Variants in SPMIP7 observed in about 807,000 individuals in gnomAD.
The protein encoded by SPMIP7 is protein SPMIP7.
the SPMIP7 span, among the ~76,000 whole-genome samples, chr7:50,099,882 C>A: frequency 6.6e-6 from 1 of 152,090 alleles, no homozygotes; most frequent in Non-Finnish European, 1.5e-5. Flanking sequence ...TCCATCTTCC[C>A]CCAGGGGGTT....
the SPMIP7 span, among the ~76,000 whole-genome samples, chr7:50,134,654 T>A: frequency 6.6e-6 from 1 of 152,192 alleles, no homozygotes. Flanking sequence ...AGCTCTGTAC[T>A]TTTCATGGCA....
chr7:50,145,579 T>G, the SPMIP7 span, among the ~76,000 whole-genome samples: 1 of 130,518 alleles, frequency 7.7e-6, no homozygotes, highest in Non-Finnish European at 1.6e-5. Flanking sequence ...TGTATATATA[T>G]ATATGTGCGT....
the SPMIP7 span, chr7:50,159,027 T>A: frequency 1.3e-6 from 2 of 1,550,630 alleles, no homozygotes; most frequent in Non-Finnish European, 1.7e-6. Flanking sequence ...TTCCTCCTTT[T>A]TTTCCCATCC....
chr7:50,114,762 G>A, the SPMIP7 span, among the ~76,000 whole-genome samples: 4 of 152,170 alleles, frequency 2.6e-5, no homozygotes, highest in African/African-American at 4.8e-5. Context: ...GGGTGAGGTG[G>A]CTCACGCCTG....
chr7:50,151,327 A>G, the SPMIP7 span: 3 of 666,170 alleles, frequency 4.5e-6, no homozygotes, highest in South Asian at 2.3e-5. Context: ...CTCATACAGG[A>G]AAAAAAAAAT....
At chr7:50,149,737 T>C in the SPMIP7 span, among the ~76,000 whole-genome samples, 1 of 152,242 alleles carries the variant, frequency 6.6e-6, no homozygotes. Flanking sequence ...AACAGAGTCA[T>C]AAATTACACA....
chr7:50,159,071 G>A, the SPMIP7 span: 5 of 1,551,748 alleles, frequency 3.2e-6, no homozygotes, highest in South Asian at 2.4e-5. Flanking sequence ...AATGGCAGTT[G>A]ACCTCTTCCG....
chr7:50,124,241 G>A, the SPMIP7 span, among the ~76,000 whole-genome samples: 15 of 151,994 alleles, frequency 9.9e-5, 1 homozygote, highest in Non-Finnish European at 5.9e-5. Flanking sequence ...AATACTTGAG[G>A]CAAAAATGAA....
At chr7:50,113,737 T>A in the SPMIP7 span, among the ~76,000 whole-genome samples, 1 of 151,874 alleles carries the variant, frequency 6.6e-6, no homozygotes, top group Non-Finnish European at 1.5e-5. Flanking sequence ...AGAATAAAAG[T>A]GAGCTGAGAA....
the SPMIP7 span, chr7:50,096,532 T>C: frequency 6.4e-7 from 1 of 1,551,820 alleles, no homozygotes; most frequent in Non-Finnish European, 8.7e-7. Flanking sequence ...ACACAGGATT[T>C]CAAACAACAA....
the SPMIP7 span, among the ~76,000 whole-genome samples, chr7:50,116,939 C>T: frequency 2.0e-5 from 3 of 152,146 alleles, no homozygotes; most frequent in African/African-American, 7.2e-5. Context: ...AGCAATTCTC[C>T]TCTTGCCTGA....
the SPMIP7 span, among the ~76,000 whole-genome samples, chr7:50,104,008 C>T: frequency 6.6e-6 from 1 of 152,128 alleles, no homozygotes; most frequent in Non-Finnish European, 1.5e-5. Context: ...AACCAGACCC[C>T]TCTTGTGTCA....
chr7:50,147,923 T>C, the SPMIP7 span, among the ~76,000 whole-genome samples: 1 of 152,238 alleles, frequency 6.6e-6, no homozygotes, highest in Non-Finnish European at 1.5e-5. Flanking sequence ...TGCGTCTCTC[T>C]ACTTTCCTCA....
At chr7:50,133,879 T>C in the SPMIP7 span, among the ~76,000 whole-genome samples, 2 of 152,148 alleles carry the variant, frequency 1.3e-5, no homozygotes, top group Admixed American at 1.3e-4. Flanking sequence ...CTTTACTACA[T>C]GTGCCAATCT....
the SPMIP7 span, among the ~76,000 whole-genome samples, chr7:50,122,447 T>G: frequency 9.3e-5 from 14 of 150,816 alleles, no homozygotes; most frequent in East Asian, 2.1e-3. Flanking sequence ...ACGTTAGACC[T>G]AAAACCATAA....
the SPMIP7 span, among the ~76,000 whole-genome samples, chr7:50,146,922 G>T: frequency 6.6e-6 from 1 of 152,196 alleles, no homozygotes; most frequent in East Asian, 1.9e-4. Flanking sequence ...CACCCTCCAA[G>T]GGAGTGCAGC....
chr7:50,100,761 G>T, the SPMIP7 span, among the ~76,000 whole-genome samples: 1 of 151,164 alleles, frequency 6.6e-6, no homozygotes, highest in African/African-American at 2.4e-5. Flanking sequence ...GCAGTGAGCC[G>T]AGATCGTGCC....
At chr7:50,104,269 T>G in the SPMIP7 span, 1 of 955,244 alleles carries the variant, frequency 1.0e-6, no homozygotes, top group East Asian at 2.8e-5. Context: ...AGAACTTTTA[T>G]TGTGTTTTTA....
At chr7:50,135,673 C>T in the SPMIP7 span, among the ~76,000 whole-genome samples, 1 of 152,168 alleles carries the variant, frequency 6.6e-6, no homozygotes, top group African/African-American at 2.4e-5. Flanking sequence ...TTAAATTCTA[C>T]TAGCATCCAA....
Sources: allele counts gnomAD v4.1 joint callset (sites outside exome capture counted in the v4.1 genomes callset), GRCh38; gene constraint gnomAD v4.1.1; transcripts MANE v1.5; gene names NCBI Gene and HGNC (gene_info 2026-07-23, HGNC 2026-07-21).